The following AKAP6 variants were observed in gnomAD, a reference collection of about 807,000 sequenced individuals.
AKAP6 encodes A-kinase anchor protein 6.
A neutral mutation model predicts 188.5 loss-of-function variants in AKAP6; 58 were observed. That is an observed-to-expected ratio of 0.31 (90% CI 0.25 to 0.38). AKAP6 has a LOEUF of 0.38. Among genes scored for constraint, AKAP6 ranks in the 10% least tolerant of loss-of-function variants. AKAP6 has a pLI of 1.00. For synonymous variants in AKAP6, 989 were observed against 998.6 expected (o/e 0.99, Z 0.18); for missense variants, 2,710 against 2,740.0 (o/e 0.99, Z 0.24).
intron 9 of AKAP6, among the ~76,000 whole-genome samples, chr14:32,699,735 CTT>C (rs1396083151): frequency 6.6e-6 from 1 of 152,186 alleles, no homozygotes; most frequent in Non-Finnish European, 1.5e-5. Context: ...CAAATGTAGT[CTT>C]TTCTCATTTT....
intron 4 of AKAP6, among the ~76,000 whole-genome samples, chr14:32,573,135 A>G (rs1884567060): frequency 6.6e-6 from 1 of 152,184 alleles, no homozygotes. Context: ...AGCAGCAGAA[A>G]GGGACAATAA....
chr14:32,659,307 T>C (rs940305208), intron 7 of AKAP6, among the ~76,000 whole-genome samples: 2 of 152,164 alleles, frequency 1.3e-5, no homozygotes, highest in African/African-American at 2.4e-5. Flanking sequence ...AATAGTGTTA[T>C]GAAACCAAAG....
chr14:32,775,215 T>C (rs1223440223), intron 12 of AKAP6, among the ~76,000 whole-genome samples: 2 of 152,062 alleles, frequency 1.3e-5, no homozygotes, highest in African/African-American at 4.8e-5. Context: ...GCAGATGAGA[T>C]TATTATTATT....
intron 1 of AKAP6, among the ~76,000 whole-genome samples, chr14:32,360,314 G>C (rs918564592): frequency 2.0e-5 from 3 of 152,060 alleles, no homozygotes; most frequent in African/African-American, 7.2e-5. Context: ...TTTTAGTAGA[G>C]ATGGGGTTTC....
At chr14:32,784,636 A>G (rs2033348390) in intron 12 of AKAP6, among the ~76,000 whole-genome samples, 1 of 152,334 alleles carries the variant, frequency 6.6e-6, no homozygotes, top group African/African-American at 2.4e-5. Context: ...ACAGCATTGA[A>G]CATGTACTGT....
At chr14:32,802,792 C>T (rs1323736446) in intron 12 of AKAP6, among the ~76,000 whole-genome samples, 3 of 152,094 alleles carry the variant, frequency 2.0e-5, no homozygotes, top group Non-Finnish European at 2.9e-5. Flanking sequence ...TTAAAAATCA[C>T]GTTTCTTAAA....
At chr14:32,637,104 A>G (rs1391793766) in intron 7 of AKAP6, among the ~76,000 whole-genome samples, 1 of 152,106 alleles carries the variant, frequency 6.6e-6, no homozygotes. Context: ...AAATGGGAAT[A>G]CTATTCCTAC....
intron 1 of AKAP6, among the ~76,000 whole-genome samples, chr14:32,429,445 T>A (rs1452104018): frequency 6.6e-6 from 1 of 152,210 alleles, no homozygotes; most frequent in Non-Finnish European, 1.5e-5. Flanking sequence ...TTTTAAAAAA[T>A]TATAATTTAT....
chr14:32,494,681 G>A (rs1305483644), intron 2 of AKAP6, among the ~76,000 whole-genome samples: 2 of 152,046 alleles, frequency 1.3e-5, no homozygotes, highest in Admixed American at 6.6e-5. Context: ...TACTGCAGTC[G>A]GAATCTGAAA....
At chr14:32,368,044 G>T (rs1887890358) in intron 1 of AKAP6, among the ~76,000 whole-genome samples, 1 of 152,088 alleles carries the variant, frequency 6.6e-6, no homozygotes, top group African/African-American at 2.4e-5. Flanking sequence ...TACAAAACAT[G>T]TTTAATCTTT....
At chr14:32,521,220 A>AG (rs1368079284) in intron 2 of AKAP6, among the ~76,000 whole-genome samples, 9 of 152,322 alleles carry the variant, frequency 5.9e-5, no homozygotes, top group African/African-American at 2.2e-4. Context: ...ATAAACTCAC[A>AG]GCCAATATCA....
At chr14:32,411,298 A>G (rs950621911) in intron 1 of AKAP6, among the ~76,000 whole-genome samples, 2 of 152,190 alleles carry the variant, frequency 1.3e-5, no homozygotes, top group Non-Finnish European at 2.9e-5. Context: ...TATTGATGGA[A>G]CATCCTTCCA....
intron 11 of AKAP6, among the ~76,000 whole-genome samples, chr14:32,771,875 T>A (rs190072869): frequency 1.0e-3 from 152 of 152,292 alleles, no homozygotes; most frequent in African/African-American, 3.5e-3. Context: ...AAACCCCAAA[T>A]CCTTAATATT....
In AKAP6 at chr14:32,696,697, T is replaced by G. The variant is rs184729727; in HGVS notation, c.3000+587T>G. On this transcript the variant is annotated intron_variant, in intron 9 of 13. Coordinates refer to ENST00000280979, the MANE Select transcript of AKAP6 (RefSeq NM_004274.5). ...TCCATCTAATAACTATCTATATTGT[T>G]TTCCATGTTTGCTAATTCACCCTTA... Among the ~76,000 whole-genome samples, 508 of 152,292 alleles carry G rather than the reference T, an allele frequency of 3.3e-3. 1 individual carries two copies. The highest frequency in any genetic ancestry group is 4.2e-3 in the Non-Finnish European group (287 of 68,030).
chr14:32,581,802 G>A (rs1884979258), intron 5 of AKAP6, among the ~76,000 whole-genome samples: 1 of 152,066 alleles, frequency 6.6e-6, no homozygotes, highest in African/African-American at 2.4e-5. Flanking sequence ...TTTTATCAGA[G>A]ACTAGGATTG....
At chr14:32,656,879 T>G (rs955616073) in intron 7 of AKAP6, among the ~76,000 whole-genome samples, 1 of 152,164 alleles carries the variant, frequency 6.6e-6, no homozygotes, top group African/African-American at 2.4e-5. Flanking sequence ...GCTGTAAATA[T>G]GCTTCTCTCT....
intron 2 of AKAP6, among the ~76,000 whole-genome samples, chr14:32,447,306 C>CT (rs1398357539): frequency 6.6e-6 from 1 of 152,278 alleles, no homozygotes; most frequent in East Asian, 1.9e-4. Context: ...GTTTCTCCTA[C>CT]TTTTTTGTAT....
intron 1 of AKAP6, among the ~76,000 whole-genome samples, chr14:32,415,968 A>AT (rs1594591920): frequency 6.6e-6 from 1 of 152,054 alleles, no homozygotes; most frequent in African/African-American, 2.4e-5. Context: ...GGTTGCTTTC[A>AT]TTTTTTTAGC....
At chr14:32,675,947 A>G (rs764560961) in intron 7 of AKAP6, among the ~76,000 whole-genome samples, 6 of 152,196 alleles carry the variant, frequency 3.9e-5, no homozygotes, top group Non-Finnish European at 8.8e-5. Context: ...GTCTAGATGA[A>G]GTTGACTTCT....
Sources: allele counts gnomAD v4.1 joint callset (sites outside exome capture counted in the v4.1 genomes callset), GRCh38; gene constraint gnomAD v4.1.1; transcripts MANE v1.5; gene names NCBI Gene and HGNC (gene_info 2026-07-23, HGNC 2026-07-21).